Variants in PCDH15 observed in about 807,000 individuals in gnomAD.
PCDH15 encodes the protein protocadherin related 15, also known as protocadherin-15.
A neutral mutation model predicts 178.5 loss-of-function variants in PCDH15; 129 were observed. The observed-to-expected ratio is 0.72, with a 90% CI of 0.63 to 0.84. PCDH15 has a LOEUF of 0.84. Ranked by LOEUF, PCDH15 falls within the 40% of genes least tolerant of loss-of-function variation. The probability of loss-of-function intolerance (pLI) is 0.00; values close to 1 mark genes in which losing one functional copy is unlikely to be tolerated. For missense variants in PCDH15, 2,230 were observed against 2,099.9 expected (o/e 1.06, Z -1.21); for synonymous variants, 800 against 732.0 (o/e 1.09, Z -1.50).
chr10:55,256,879 G>C (rs1387539706), intron 1 of PCDH15, among the ~76,000 whole-genome samples: 2 of 152,130 alleles, frequency 1.3e-5, no homozygotes, highest in African/African-American at 4.8e-5. Flanking sequence ...GAGAGTAGTG[G>C]TTCTCCCAGT....
intron 35 of PCDH15, among the ~76,000 whole-genome samples, chr10:53,814,006 G>A (rs1047927374): frequency 6.6e-6 from 1 of 152,082 alleles, no homozygotes; most frequent in African/African-American, 2.4e-5. Flanking sequence ...TGTGGGGGAA[G>A]GAATGAGGTT....
Position 53,810,638 on chromosome 10 carries a change from C to T in PCDH15, c.4589G>A (p.Arg1530His), listed in dbSNP as rs368380451. 107 of 1,613,760 alleles carry T rather than the reference C, an allele frequency of 6.6e-5. 1 individual carries two copies. The highest frequency in any genetic ancestry group is 5.8e-4 in the East Asian group (26 of 44,856). ...TCCAGCTGGTGGTAACAATCGACGG[C>T]GACTCCCATATTGAGGCATTTCATA... Reference protein sequence around the residue: ...HGYEMPQYGSRRRLLPPAGQE... With the variant: ...HGYEMPQYGSHRRLLPPAGQE... Residue 1530 changes from arginine to histidine, a missense_variant, in exon 37 of 38, where the codon CGC becomes CAC. Arg to His is a conservative substitution (Grantham distance 29, BLOSUM62 0). Coordinates refer to ENST00000644397, the MANE Select transcript of PCDH15 (RefSeq NM_001384140.1).
chr10:54,170,995 T>G (rs1446008120), intron 13 of PCDH15, among the ~76,000 whole-genome samples: 1 of 152,138 alleles, frequency 6.6e-6, no homozygotes, highest in Non-Finnish European at 1.5e-5. Context: ...TTACTCAACA[T>G]GCCCTGAGTC....
chr10:55,412,778 T>C (rs969191205), intron 2 of PCDH15, among the ~76,000 whole-genome samples: 8 of 151,706 alleles, frequency 5.3e-5, no homozygotes, highest in Non-Finnish European at 1.2e-4. Context: ...AAATTTTCAG[T>C]ATTGTTTGAG....
chr10:54,778,194 G>C (rs1429641778), intron 1 of PCDH15, among the ~76,000 whole-genome samples: 1 of 152,180 alleles, frequency 6.6e-6, no homozygotes, highest in East Asian at 1.9e-4. Flanking sequence ...TATTTGCACT[G>C]ATCGAGATGG....
chr10:55,376,455 A>AT (rs1198386520), intron 2 of PCDH15, among the ~76,000 whole-genome samples: 1 of 152,010 alleles, frequency 6.6e-6, no homozygotes, highest in African/African-American at 2.4e-5. Flanking sequence ...TTTGTCCTTG[A>AT]TTTTTAAAGC....
intron 2 of PCDH15, among the ~76,000 whole-genome samples, chr10:54,582,387 A>G (rs1017511750): frequency 6.6e-6 from 1 of 152,130 alleles, no homozygotes; most frequent in Non-Finnish European, 1.5e-5. Flanking sequence ...TGAATCTGTG[A>G]CTGGTAAAAT....
intron 2 of PCDH15, among the ~76,000 whole-genome samples, chr10:55,048,967 G>A (rs1176498126): frequency 6.6e-6 from 1 of 151,840 alleles, no homozygotes. Context: ...AAATAACTGT[G>A]AACACCTGCT....
chr10:53,922,870 G>A (rs1242256663), intron 25 of PCDH15, among the ~76,000 whole-genome samples: 1 of 152,080 alleles, frequency 6.6e-6, no homozygotes, highest in Non-Finnish European at 1.5e-5. Context: ...GGTGGATCAC[G>A]AGGTCGGGAG....
intron 2 of PCDH15, among the ~76,000 whole-genome samples, chr10:55,341,801 ATATATTTTTTTTTTTTTT>A (rs1293261442): frequency 1.9e-3 from 22 of 11,362 alleles, no homozygotes; most frequent in African/African-American, 8.6e-3. Flanking sequence ...ATATATATAT[ATATATTTTTTTTTTTTTT>A]TTTTTTTTTT....
chr10:55,316,092 TG>T (rs1432322577), intron 1 of PCDH15, among the ~76,000 whole-genome samples: 2 of 152,304 alleles, frequency 1.3e-5, no homozygotes, highest in African/African-American at 4.8e-5. Flanking sequence ...GATCTAAAAA[TG>T]TTTTTTTGTA....
intron 2 of PCDH15, among the ~76,000 whole-genome samples, chr10:55,046,148 T>C (rs1373018133): frequency 6.6e-6 from 1 of 152,016 alleles, no homozygotes; most frequent in African/African-American, 2.4e-5. Flanking sequence ...AACAGATTTT[T>C]ACTGTGCTCA....
At chr10:55,568,349 C>CA (rs1173523338) in intron 2 of PCDH15, among the ~76,000 whole-genome samples, 1 of 151,954 alleles carries the variant, frequency 6.6e-6, no homozygotes, top group Non-Finnish European at 1.5e-5. Context: ...ATGAGGTACT[C>CA]AGTGTAGTCA....
At chr10:54,774,010 T>C (rs1591558003) in intron 1 of PCDH15, among the ~76,000 whole-genome samples, 2 of 14,916 alleles carry the variant, frequency 1.3e-4, no homozygotes. Flanking sequence ...TCATAGGCTT[T>C]TTTTTTTTTT....
intron 1 of PCDH15, among the ~76,000 whole-genome samples, chr10:54,795,694 T>C (rs1168464471): frequency 6.6e-6 from 1 of 151,850 alleles, no homozygotes; most frequent in Non-Finnish European, 1.5e-5. Context: ...GACTATGAGA[T>C]AGAAAATAAT....
intron 2 of PCDH15, among the ~76,000 whole-genome samples, chr10:55,149,955 AAC>A (rs1838651506): frequency 6.6e-6 from 1 of 151,848 alleles, no homozygotes; most frequent in Non-Finnish European, 1.5e-5. Context: ...TTCTCACCCA[AAC>A]ACATGCTGGA....
At chr10:54,897,290 C>T (rs1013945297) in intron 3 of PCDH15, among the ~76,000 whole-genome samples, 4 of 152,152 alleles carry the variant, frequency 2.6e-5, no homozygotes, top group Non-Finnish European at 4.4e-5. Context: ...AGGGAAAGAA[C>T]AATCACAACG....
intron 2 of PCDH15, among the ~76,000 whole-genome samples, chr10:54,987,934 G>T (rs1295658149): frequency 6.6e-6 from 1 of 152,054 alleles, no homozygotes; most frequent in Non-Finnish European, 1.5e-5. Context: ...TAAAGTCTTT[G>T]CCCGTGCCTG....
intron 26 of PCDH15, among the ~76,000 whole-genome samples, chr10:53,892,507 AC>A (rs892007717): frequency 2.0e-4 from 30 of 151,802 alleles, no homozygotes; most frequent in South Asian, 8.3e-4. Flanking sequence ...TTCTACAATA[AC>A]AAACAAACTG....
Sources: allele counts gnomAD v4.1 joint callset (sites outside exome capture counted in the v4.1 genomes callset), GRCh38; gene constraint gnomAD v4.1.1; transcripts MANE v1.5; gene names NCBI Gene and HGNC (gene_info 2026-07-23, HGNC 2026-07-21).